The following PELI1 variants were observed in gnomAD, a reference collection of about 807,000 sequenced individuals.
PELI1 encodes pellino E3 ubiquitin protein ligase 1, also known as E3 ubiquitin-protein ligase pellino homolog 1.
A neutral mutation model predicts 41.3 loss-of-function variants in PELI1; 15 were observed. The ratio of observed to expected loss-of-function variants is 0.36; its 90% confidence interval spans 0.24 to 0.56. The LOEUF (loss-of-function observed/expected upper bound fraction) is 0.56. Ranked by LOEUF, PELI1 falls within the 20% of genes least tolerant of loss-of-function variation. The pLI, the probability that PELI1 is intolerant of heterozygous loss-of-function variation, is 0.82. For synonymous variants in PELI1, 178 were observed against 180.1 expected (o/e 0.99, Z 0.09); for missense variants, 403 against 525.5 (o/e 0.77, Z 2.28).
intron 1 of PELI1, among the ~76,000 whole-genome samples, chr2:64,128,709 T>C (rs923308385): frequency 2.6e-5 from 4 of 152,172 alleles, no homozygotes; most frequent in Admixed American, 2.6e-4. Context: ...GTATGATAAA[T>C]TTAAATTTCT....
At chr2:64,132,662 A>G (rs1681592890) in intron 1 of PELI1, among the ~76,000 whole-genome samples, 1 of 152,200 alleles carries the variant, frequency 6.6e-6, no homozygotes, top group Admixed American at 6.5e-5. Context: ...AAAATAGGGA[A>G]TAAGTCTAGG....
intron 2 of PELI1, among the ~76,000 whole-genome samples, chr2:64,105,952 T>C (rs1248753939): frequency 6.6e-6 from 1 of 152,196 alleles, no homozygotes; most frequent in East Asian, 1.9e-4. Flanking sequence ...CAAGGAAGAA[T>C]GTTTTAAAGC....
intron 1 of PELI1, among the ~76,000 whole-genome samples, chr2:64,132,695 A>T (rs1182669905): frequency 1.3e-5 from 2 of 152,356 alleles, no homozygotes; most frequent in African/African-American, 4.8e-5. Flanking sequence ...CAAAAAGTAC[A>T]AATTTAATAG....
intron 1 of PELI1, among the ~76,000 whole-genome samples, chr2:64,138,662 A>T (rs998993692): frequency 2.0e-5 from 3 of 152,096 alleles, no homozygotes; most frequent in African/African-American, 7.2e-5. Context: ...AGGAAACAGA[A>T]TTTGCAGTGA....
At chr2:64,110,691 C>G (rs1680782441) in intron 1 of PELI1, among the ~76,000 whole-genome samples, 1 of 152,018 alleles carries the variant, frequency 6.6e-6, no homozygotes, top group African/African-American at 2.4e-5. Context: ...TTCAGAAAGG[C>G]CAAGGTGGGA....
At chr2:64,100,140 A>C (rs1680376569) in intron 4 of PELI1, among the ~76,000 whole-genome samples, 1 of 152,150 alleles carries the variant, frequency 6.6e-6, no homozygotes, top group African/African-American at 2.4e-5. Context: ...GTCATAGGGG[A>C]GAGTCTATTA....
At chr2:64,142,704 T>A (rs1247669035) in intron 1 of PELI1, among the ~76,000 whole-genome samples, 1 of 152,194 alleles carries the variant, frequency 6.6e-6, no homozygotes, top group East Asian at 1.9e-4. Context: ...AAACGCATCG[T>A]AAACTGAAAC....
chr2:64,121,926 T>C (rs1171227033), intron 1 of PELI1, among the ~76,000 whole-genome samples: 5 of 149,736 alleles, frequency 3.3e-5, no homozygotes, highest in African/African-American at 1.2e-4. Context: ...AAAAAAAGAG[T>C]ATTATAATGA....
rs549718345 is a variant in PELI1, at chr2:64,133,937, G to C, written c.-70+10144C>G. ...TATAGATTTTATCATTGTGAGCAAT[G>C]AATGATCTCTGACTCAGACTGCTTT... On this transcript the variant is annotated intron_variant, in intron 1 of 6. Transcript: ENST00000358912. Among the ~76,000 whole-genome samples the C allele has an allele frequency of 2.0e-5, 3 of 152,196 alleles. No homozygotes were observed. In the East Asian group the frequency reaches 5.8e-4, roughly 29 times the overall value.
At chr2:64,099,919 C>T (rs947476992) in intron 4 of PELI1, among the ~76,000 whole-genome samples, 1 of 152,166 alleles carries the variant, frequency 6.6e-6, no homozygotes, top group African/African-American at 2.4e-5. Flanking sequence ...TTTGATTTCA[C>T]ATAGATAATA....
intron 3 of PELI1, 127 bp downstream of exon 3, chr2:64,104,574 T>C: frequency 7.4e-7 from 1 of 1,352,840 alleles, no homozygotes; most frequent in Non-Finnish European, 9.6e-7. Flanking sequence ...AAGTCTCTTC[T>C]CCAATCCAAA....
chr2:64,117,594 A>G (rs1238308572), intron 1 of PELI1, among the ~76,000 whole-genome samples: 1 of 152,356 alleles, frequency 6.6e-6, no homozygotes, highest in East Asian at 1.9e-4. Context: ...ATGAAAACAG[A>G]AAAATGTAGT....
In PELI1 at chr2:64,104,681, C is replaced by T. The variant is rs529043995; in HGVS notation, c.201+20G>A. 14 of 1,466,272 alleles carry T rather than the reference C, an allele frequency of 9.5e-6. No homozygotes were observed. The highest frequency in any genetic ancestry group is 4.2e-5 in the South Asian group (3 of 71,250). 90.8% of individuals were successfully genotyped at this position (1,466,272 alleles called of 1,614,324 possible). ...AAATTCTCCAAGTTAATTTATGTAG[C>T]TTTTTTTTTTTTTTTTTACCTTTGC... On this transcript the variant is annotated intron_variant, in intron 3 of 6. Transcript: ENST00000358912.
intron 1 of PELI1, among the ~76,000 whole-genome samples, chr2:64,113,816 G>A (rs1367002050): frequency 6.6e-6 from 1 of 152,024 alleles, no homozygotes; most frequent in Non-Finnish European, 1.5e-5. Flanking sequence ...CTTCCCAAAG[G>A]AAAGACTTTG....
intron 1 of PELI1, among the ~76,000 whole-genome samples, chr2:64,123,595 A>T (rs1011292923): frequency 6.6e-6 from 1 of 152,264 alleles, no homozygotes; most frequent in Admixed American, 6.5e-5. Flanking sequence ...AATCAAACCC[A>T]CAATGACCAC....
intron 3 of PELI1, among the ~76,000 whole-genome samples, chr2:64,102,873 C>CA (rs1165934429): frequency 6.9e-6 from 1 of 144,884 alleles, no homozygotes; most frequent in Non-Finnish European, 1.5e-5. Flanking sequence ...GACAGGGTCT[C>CA]ACTCTGTCAC....
At chr2:64,122,824 A>C (rs1681268090) in intron 1 of PELI1, among the ~76,000 whole-genome samples, 1 of 152,232 alleles carries the variant, frequency 6.6e-6, no homozygotes, top group South Asian at 2.1e-4. Context: ...AAGAAAAATA[A>C]TCACTGTATT....
chr2:64,100,538 G>T, intron 3 of PELI1, 39 bp from the exon 4 acceptor site: 1 of 937,180 alleles, frequency 1.1e-6, no homozygotes, highest in Non-Finnish European at 1.8e-6. Flanking sequence ...TTAGTAGGCA[G>T]GTCAATCCAA....
rs113714085 is a variant in PELI1, at chr2:64,118,903, C to G, written c.-69-10524G>C. Among the ~76,000 whole-genome samples, 18 of 151,712 alleles carry G rather than the reference C, an allele frequency of 1.2e-4. 1 individual carries two copies. Among genetic ancestry groups the G allele is most frequent in the African/African-American group, 4.3e-4 (18 of 41,410 alleles). ...AATGACAGCATCACCATTCTGGCTA[C>G]GAAACAACAACATAATTCTCAAATT... On this transcript the variant is annotated intron_variant, in intron 1 of 6. Transcript: ENST00000358912.
Sources: allele counts gnomAD v4.1 joint callset (sites outside exome capture counted in the v4.1 genomes callset), GRCh38; gene constraint gnomAD v4.1.1; transcripts MANE v1.5; gene names NCBI Gene and HGNC (gene_info 2026-07-23, HGNC 2026-07-21).